ADAMTS20: variants seen among roughly 807,000 people sequenced by gnomAD.
The protein encoded by ADAMTS20 is ADAM metallopeptidase with thrombospondin type 1 motif 20, also known as A disintegrin and metalloproteinase with thrombospondin motifs 20.
ADAMTS20 carries 225 observed loss-of-function variants against 260.1 expected under a neutral mutation model. That is an observed-to-expected ratio of 0.87 (90% CI 0.78 to 0.97). The LOEUF (loss-of-function observed/expected upper bound fraction) is 0.97, where lower values mean the gene tolerates loss of function less well. Ranked by LOEUF, ADAMTS20 falls within the 50% of genes least tolerant of loss-of-function variation. ADAMTS20 has a pLI of 0.00. For missense variants in ADAMTS20, 2,400 were observed against 2,337.7 expected (o/e 1.03, Z -0.55); for synonymous variants, 802 against 769.5 (o/e 1.04, Z -0.70).
intron 38 of ADAMTS20, among the ~76,000 whole-genome samples, chr12:43,355,577 G>A (rs1463642107): frequency 6.6e-6 from 1 of 151,918 alleles, no homozygotes. Flanking sequence ...ATATAAATAG[G>A]AGTATAACTA....
intron 29 of ADAMTS20, among the ~76,000 whole-genome samples, chr12:43,390,614 TTC>T (rs1264635004): frequency 6.6e-6 from 1 of 152,188 alleles, no homozygotes; most frequent in Non-Finnish European, 1.5e-5. Context: ...ATGAGTACAG[TTC>T]TGTCAGGTTT....
Position 43,429,723 on chromosome 12 carries a change from C to A in ADAMTS20, c.3383G>T (p.Ser1128Ile). ...AAATGAGCAAGGTGTAAGTACACAG[C>A]TCTGTTCAGAAGAAAAATGGTTCTC... ...HEASRPSDRQ[S>I]CVLTPCSFIS... is the part of the protein sequence containing the mutation. The change falls in exon 24 of 39, where the codon AGC becomes ATC. Residue 1128 changes from serine to isoleucine, a missense_variant and splice_region_variant. Transcript: ENST00000389420. The A allele has an allele frequency of 6.4e-7, 1 of 1,557,982 alleles. No individual in the cohort carries two copies. The highest frequency in any genetic ancestry group is 2.0e-5 in the Admixed American group (1 of 50,296).
chr12:43,408,713 AT>A, intron 28 of ADAMTS20, among the ~76,000 whole-genome samples: 1 of 152,342 alleles, frequency 6.6e-6, no homozygotes, highest in South Asian at 2.1e-4. Context: ...TTAGAGATTA[AT>A]TTCATATTTC....
chr12:43,353,581 T>G (rs1939680846), downstream of ADAMTS20, among the ~76,000 whole-genome samples: 2 of 152,046 alleles, frequency 1.3e-5, no homozygotes, highest in Non-Finnish European at 2.9e-5. Context: ...AACATACCTT[T>G]TTAATACACA....
At chr12:43,469,285 T>C (rs1942210312) in intron 7 of ADAMTS20, among the ~76,000 whole-genome samples, 1 of 152,170 alleles carries the variant, frequency 6.6e-6, no homozygotes, top group African/African-American at 2.4e-5. Flanking sequence ...TGAATAATTT[T>C]GTAACATTTC....
At chr12:43,427,969 G>C (rs915910250) in intron 26 of ADAMTS20, among the ~76,000 whole-genome samples, 2 of 152,062 alleles carry the variant, frequency 1.3e-5, no homozygotes, top group African/African-American at 4.8e-5. Context: ...ACCCCTTAAA[G>C]CATTTTCTTT....
intron 3 of ADAMTS20, among the ~76,000 whole-genome samples, chr12:43,529,725 A>G (rs556277679): frequency 2.0e-5 from 3 of 152,210 alleles, no homozygotes; most frequent in South Asian, 4.1e-4. Context: ...TTGGGTGACA[A>G]GTGCACTAAA....
At chr12:43,407,024 A>G (rs991964573) in intron 28 of ADAMTS20, among the ~76,000 whole-genome samples, 1 of 152,084 alleles carries the variant, frequency 6.6e-6, no homozygotes, top group East Asian at 1.9e-4. Flanking sequence ...TTCCTGAAAG[A>G]TAATACTTAC....
intron 3 of ADAMTS20, among the ~76,000 whole-genome samples, chr12:43,506,158 C>CAACAAA (rs138056848): frequency 5.3e-5 from 8 of 151,400 alleles, no homozygotes; most frequent in South Asian, 2.1e-4. Context: ...ACAACAACAA[C>CAACAAA]AAAGGAAGGA....
intron 36 of ADAMTS20, among the ~76,000 whole-genome samples, chr12:43,370,338 T>G (rs958755761): frequency 2.0e-5 from 3 of 152,222 alleles, no homozygotes; most frequent in Non-Finnish European, 1.5e-5. Flanking sequence ...TGGTAGCTCA[T>G]GATTGGTCAG....
rs1354894734 is a variant in ADAMTS20 at position 43,474,263 on chromosome 12, C to G, written c.1118-5558G>C. ...GAAGAAATGGATACATTCCTCGACA[C>G]ATACACTCTCCCAAGACTAAACCAG... On this transcript the variant is annotated intron_variant, in intron 7 of 38. Coordinates refer to ENST00000389420, the MANE Select transcript of ADAMTS20 (RefSeq NM_025003.5). Among the ~76,000 whole-genome samples the G allele has an allele frequency of 7.4e-4, 102 of 136,990 alleles. 1 individual carries two copies. Among genetic ancestry groups the G allele is most frequent in the Admixed American group, 1.5e-3 (20 of 13,590 alleles). The allele number at this position is 136,990 out of a possible 152,430, so 89.9% of individuals were successfully genotyped here.
chr12:43,384,576 T>C (rs950510696), intron 29 of ADAMTS20, among the ~76,000 whole-genome samples: 1 of 152,176 alleles, frequency 6.6e-6, no homozygotes, highest in African/African-American at 2.4e-5. Flanking sequence ...CTGCATTAGG[T>C]ATTTCTCCTA....
At chr12:43,445,266 G>A (rs191751091) in intron 15 of ADAMTS20, among the ~76,000 whole-genome samples, 2 of 152,182 alleles carry the variant, frequency 1.3e-5, no homozygotes, top group East Asian at 3.9e-4. Flanking sequence ...TTTGGTTCAT[G>A]TGGCTTTATC....
intron 8 of ADAMTS20, among the ~76,000 whole-genome samples, chr12:43,467,284 A>G (rs1942172047): frequency 6.6e-6 from 1 of 152,116 alleles, no homozygotes; most frequent in Admixed American, 6.6e-5. Flanking sequence ...TTTTAGGTCC[A>G]TACTTCCTAA....
intron 16 of ADAMTS20, among the ~76,000 whole-genome samples, chr12:43,441,167 G>A (rs1339028840): frequency 2.6e-5 from 4 of 151,754 alleles, no homozygotes; most frequent in Non-Finnish European, 5.9e-5. Flanking sequence ...CTATAGAAAA[G>A]CCCTCTATCC....
Position 43,356,548 on chromosome 12 carries a change from A to G in ADAMTS20, c.5579T>C (p.Ile1860Thr), listed in dbSNP as rs561536075. The G allele has an allele frequency of 9.9e-6, 16 of 1,612,386 alleles. No homozygotes were observed. In the African/African-American group the frequency reaches 1.6e-4, roughly 16 times the overall value. The change falls in exon 38 of 39, where the codon ATA becomes ACA. Residue 1860 changes from isoleucine to threonine, a missense_variant. Ile to Thr is a moderately conservative substitution (Grantham distance 89). Coordinates refer to ENST00000389420, the MANE Select transcript of ADAMTS20 (RefSeq NM_025003.5). ...SINLSGTGMK[I>T]SSTAKWLTQG... ...AGTGAGCCACTTTGCTGTGCTGGAT[A>G]TCTTCATCCCAGTTCCTGACAAATT...
chr12:43,514,651 G>A (rs541486694), intron 3 of ADAMTS20, among the ~76,000 whole-genome samples: 90 of 146,166 alleles, frequency 6.2e-4, no homozygotes, highest in African/African-American at 2.0e-3. Flanking sequence ...TGAAGAAGTC[G>A]GACTAAGATG....
chr12:43,521,200 A>G (rs773363126), intron 3 of ADAMTS20, among the ~76,000 whole-genome samples: 3 of 152,348 alleles, frequency 2.0e-5, no homozygotes, highest in African/African-American at 7.2e-5. Context: ...ACTTTTGGTA[A>G]GACCTAGAGA....
At chr12:43,494,953 G>C (rs1942656343) in intron 4 of ADAMTS20, among the ~76,000 whole-genome samples, 1 of 152,172 alleles carries the variant, frequency 6.6e-6, no homozygotes, top group Admixed American at 6.6e-5. Flanking sequence ...GAAGACTTCT[G>C]TGTCTCAGAA....
Sources: gnomAD v4.1 joint callset for allele counts (sites outside exome capture counted in the v4.1 genomes callset) on GRCh38, gnomAD v4.1.1 for gene constraint, MANE v1.5 for transcripts, NCBI Gene and HGNC (gene_info 2026-07-23, HGNC 2026-07-21) for gene names.